NAALADL2: variants seen among roughly 807,000 people sequenced by gnomAD.
NAALADL2 encodes N-acetylated alpha-linked acidic dipeptidase like 2, also known as inactive N-acetylated-alpha-linked acidic dipeptidase-like protein 2.
A neutral mutation model predicts 87.2 loss-of-function variants in NAALADL2; 76 were observed. The ratio of observed to expected loss-of-function variants is 0.87; its 90% CI spans 0.72 to 1.05. The LOEUF is 1.05. Ranked by LOEUF, NAALADL2 falls within the 50% of genes least tolerant of loss-of-function variation. The probability of loss-of-function intolerance (pLI) is 0.00; values close to 1 mark genes in which losing one functional copy is unlikely to be tolerated. For synonymous variants in NAALADL2, 354 were observed against 331.0 expected, an observed-to-expected ratio of 1.07 and a Z score of -0.75; for missense variants, 1,089 against 945.8, an observed-to-expected ratio of 1.15 and a Z score of -1.99.
At chr3:175,688,616 A>T (rs188275652) in intron 11 of NAALADL2, among the ~76,000 whole-genome samples, 33 of 152,282 alleles carry the variant, frequency 2.2e-4, no homozygotes, top group Non-Finnish European at 4.0e-4. Context: ...CACAGGGATC[A>T]TCTCTCTGTT....
intron 1 of NAALADL2, among the ~76,000 whole-genome samples, chr3:174,946,454 T>C (rs559044675): frequency 3.9e-5 from 6 of 152,270 alleles, no homozygotes; most frequent in African/African-American, 1.4e-4. Flanking sequence ...TGTTTTCTTT[T>C]AGTTAAACAG....
At chr3:174,605,867 C>A (rs1371803684) in intron 2 of NAALADL2, among the ~76,000 whole-genome samples, 1 of 152,234 alleles carries the variant, frequency 6.6e-6, no homozygotes, top group Non-Finnish European at 1.5e-5. Flanking sequence ...ACTGCCTCCT[C>A]AAGTGGGTCC....
At chr3:175,285,304 G>A (rs1051584784) in intron 4 of NAALADL2, among the ~76,000 whole-genome samples, 4 of 151,948 alleles carry the variant, frequency 2.6e-5, no homozygotes, top group Non-Finnish European at 4.4e-5. Flanking sequence ...TGTTACAATA[G>A]GTACATTGCA....
intron 12 of NAALADL2, among the ~76,000 whole-genome samples, chr3:175,751,126 T>TA (rs1746572537): frequency 6.6e-6 from 1 of 152,116 alleles, no homozygotes; most frequent in Non-Finnish European, 1.5e-5. Flanking sequence ...TACCATACTA[T>TA]AAAAATTTAT....
chr3:175,085,767 A>G (rs1240291272), intron 1 of NAALADL2, among the ~76,000 whole-genome samples: 1 of 152,096 alleles, frequency 6.6e-6, no homozygotes, highest in East Asian at 1.9e-4. Flanking sequence ...AAAATACAAA[A>G]ATTAGCTGGG....
chr3:175,347,692 G>A (rs1763296028), intron 5 of NAALADL2, among the ~76,000 whole-genome samples: 1 of 152,128 alleles, frequency 6.6e-6, no homozygotes, highest in Admixed American at 6.5e-5. Flanking sequence ...GTAACACACA[G>A]AACAAACACA....
intron 2 of NAALADL2, among the ~76,000 whole-genome samples, chr3:175,194,446 G>T (rs1336503105): frequency 6.6e-6 from 1 of 151,840 alleles, no homozygotes; most frequent in Non-Finnish European, 1.5e-5. Flanking sequence ...CTTGACAGAA[G>T]TATTTAGCAA....
At chr3:174,710,630 T>A (rs1198797356) in intron 2 of NAALADL2, among the ~76,000 whole-genome samples, 1 of 152,098 alleles carries the variant, frequency 6.6e-6, no homozygotes, top group African/African-American at 2.4e-5. Flanking sequence ...CAAGAAAGAT[T>A]TCAGGCAAAA....
rs553629117 is a variant in NAALADL2, at chr3:175,507,572, G to A, written c.1653+35814G>A. On this transcript the variant is annotated intron_variant, in intron 9 of 13. Transcript: ENST00000454872. The stretch of plus-strand genomic sequence containing the variant: ...CCAGCAGCTGGGATTACAGGTGCCC[G>A]TAACCATGCCGAACTAATTTTTTGT... Among the ~76,000 whole-genome samples, 45 of 152,076 alleles carry A rather than the reference G, an allele frequency of 3.0e-4. 1 individual carries two copies. Among genetic ancestry groups the A allele is most frequent in the African/African-American group, 7.2e-4 (30 of 41,472 alleles).
chr3:175,471,923 A>G (rs1724964422), intron 9 of NAALADL2, among the ~76,000 whole-genome samples, 165 bp downstream of exon 9: 1 of 152,024 alleles, frequency 6.6e-6, no homozygotes, highest in African/African-American at 2.4e-5. Context: ...ACCTTAACTA[A>G]TTTCTTATGT....
intron 12 of NAALADL2, among the ~76,000 whole-genome samples, chr3:175,743,918 A>C (rs995083783): frequency 6.6e-6 from 1 of 152,206 alleles, no homozygotes; most frequent in African/African-American, 2.4e-5. Flanking sequence ...GTAAAGAATT[A>C]AGCTTTTTGT....
At chr3:175,106,286 TATTA>T (rs1169417888) in intron 2 of NAALADL2, among the ~76,000 whole-genome samples, 1 of 152,120 alleles carries the variant, frequency 6.6e-6, no homozygotes, top group African/African-American at 2.4e-5. Context: ...ATTTATGTTG[TATTA>T]ATTAGCGGGA....
intron 4 of NAALADL2, among the ~76,000 whole-genome samples, chr3:175,310,870 A>G (rs1758274596): frequency 6.6e-6 from 1 of 152,034 alleles, no homozygotes; most frequent in Non-Finnish European, 1.5e-5. Context: ...TAGTACTAAT[A>G]TTATTTTCTG....
At chr3:174,992,301 A>G (rs1322275963) in intron 1 of NAALADL2, among the ~76,000 whole-genome samples, 3 of 152,088 alleles carry the variant, frequency 2.0e-5, no homozygotes, top group Admixed American at 6.6e-5. Context: ...AAAAGTGAGG[A>G]TCAGTTGTGA....
chr3:175,216,421 G>T (rs1161379039), intron 2 of NAALADL2, among the ~76,000 whole-genome samples: 1 of 151,990 alleles, frequency 6.6e-6, no homozygotes, highest in Non-Finnish European at 1.5e-5. Flanking sequence ...GCAGATAGTT[G>T]CAACAAATTT....
intron 10 of NAALADL2, chr3:175,581,127 A>G (rs1421459329): frequency 2.5e-6 from 1 of 395,288 alleles, no homozygotes; most frequent in Non-Finnish European, 5.2e-6. Context: ...GTTATCTTAC[A>G]GTTTCAAAAA....
In NAALADL2 at chr3:174,958,641, T is replaced by C. The variant is rs1741500456; in HGVS notation, c.43+99191T>C. Among the ~76,000 whole-genome samples the C allele has an allele frequency of 2.6e-5, 4 of 152,098 alleles. No individual in the cohort carries two copies. The South Asian group carries it at 6.2e-4, about 24-fold the overall frequency. On this transcript the variant is annotated intron_variant, in intron 1 of 13. Coordinates refer to ENST00000454872, the MANE Select transcript of NAALADL2 (RefSeq NM_207015.3). ...ACAAGTGCCAGCACAAGGAGAGTTA[T>C]GTAGTTGAAATAGCAAAACTGCCAC...
intron 3 of NAALADL2, among the ~76,000 whole-genome samples, chr3:175,245,965 C>T (rs909881625): frequency 6.6e-6 from 1 of 152,124 alleles, no homozygotes; most frequent in Non-Finnish European, 1.5e-5. Context: ...ATGATGATTG[C>T]TTAGTTATGT....
chr3:175,076,096 T>C (rs58214094), intron 1 of NAALADL2, among the ~76,000 whole-genome samples: 4,783 of 152,100 alleles, frequency 0.031, 245 homozygotes, highest in African/African-American at 0.11. Flanking sequence ...GTTGTGGTGC[T>C]GCAAGCCTGT....
Sources: allele counts gnomAD v4.1 joint callset (sites outside exome capture counted in the v4.1 genomes callset), GRCh38; gene constraint gnomAD v4.1.1; transcripts MANE v1.5; gene names NCBI Gene and HGNC (gene_info 2026-07-23, HGNC 2026-07-21).